The following FAM9A variants were observed in gnomAD, a reference collection of about 807,000 sequenced individuals.
FAM9A encodes the protein protein FAM9A.
FAM9A carries 49 observed loss-of-function variants against 25.0 expected under a neutral mutation model. That is an observed-to-expected ratio of 1.96 (90% CI 1.56 to 2.48). The LOEUF (loss-of-function observed/expected upper bound fraction) is 2.48, where lower values mean the gene tolerates loss of function less well. Among genes scored for constraint, FAM9A ranks in the 30% most tolerant of loss-of-function variants. FAM9A has a pLI of 0.00. For synonymous variants in FAM9A, 80 were observed against 85.1 expected, an observed-to-expected ratio of 0.94 and a Z score of 0.33; for missense variants, 266 against 249.3, an observed-to-expected ratio of 1.07 and a Z score of -0.45.
Position 8,795,304 on chromosome X carries a change from TCTG to T in FAM9A, c.602_604del (p.Ala201del), listed in dbSNP as rs757186837. On this transcript the variant is annotated inframe_deletion, in exon 7 of 10. Transcript: ENST00000381003. ...TGCGGCTTCTGCTGCTGCTGCGGCT[TCTG>T]CTGCTGCTGCTGCGGCTTCTGCTTC... The T allele has an allele frequency of 1.8e-5, 22 of 1,197,534 alleles. No homozygotes were observed. The highest frequency in any genetic ancestry group is 4.5e-5 in the Admixed American group (2 of 44,911).
chrX:8,796,478 T>C, intron 5 of FAM9A, 96 bp from the exon 6 acceptor site: 5 of 534,740 alleles, frequency 9.4e-6, no homozygotes, highest in Non-Finnish European at 1.6e-5. Flanking sequence ...TTCAGCAATA[T>C]CGGAAGGACA....
At chrX:8,798,899 G>A in intron 3 of FAM9A, 67 bp downstream of exon 3, 2 of 1,199,620 alleles carry the variant, frequency 1.7e-6, no homozygotes, top group Non-Finnish European at 2.3e-6. Flanking sequence ...TGCCTCCCGC[G>A]CAAAGAGCAG....
chrX:8,793,422 A>T (rs756338198), intron 8 of FAM9A, among the ~76,000 whole-genome samples: 1 of 112,215 alleles, frequency 8.9e-6, no homozygotes, highest in African/African-American at 3.2e-5. Flanking sequence ...ATTTCCAGGT[A>T]AAATTTCCAA....
chrX:8,792,443 T>A (rs1314719651), intron 8 of FAM9A, among the ~76,000 whole-genome samples: 4 of 110,838 alleles, frequency 3.6e-5, no homozygotes, highest in Non-Finnish European at 5.7e-5. Flanking sequence ...GTGGGAATTT[T>A]AAAAAAAGAA....
chrX:8,796,463 G>T, intron 5 of FAM9A, 81 bp from the exon 6 acceptor site: 1 of 598,293 alleles, frequency 1.7e-6, no homozygotes, highest in Non-Finnish European at 2.7e-6. Context: ...CGTGAGATAT[G>T]ATGGTTCAGC....
chrX:8,791,471 T>A, intron 8 of FAM9A, 92 bp from the exon 9 acceptor site: 1 of 648,067 alleles, frequency 1.5e-6, no homozygotes, highest in South Asian at 4.3e-5. Flanking sequence ...AAACAGCTTT[T>A]AATATTCAAA....
intron 6 of FAM9A, 107 bp from the exon 7 acceptor site, chrX:8,795,527 G>A (rs1933524153): frequency 4.5e-6 from 3 of 661,916 alleles, no homozygotes; most frequent in Non-Finnish European, 4.4e-6. Flanking sequence ...AAGTAGCAAG[G>A]GAGTAATAGC....
chrX:8,800,158 C>A lies in FAM9A; in HGVS notation c.14G>T (p.Gly5Val), dbSNP rs748766784. 8.3e-7 allele frequency: 1 copy of A among 1,206,367 alleles called. No homozygotes were observed. Among genetic ancestry groups the A allele is most frequent in the Admixed American group, 2.2e-5 (1 of 45,603 alleles). ...GGCAGCCTTCCTGCTGCGCTTCCTGCCCACGGGCTCCATGGTTGGCTGTCC... is the reference window on the plus strand; with the variant it reads ...GGCAGCCTTCCTGCTGCGCTTCCTGACCACGGGCTCCATGGTTGGCTGTCC... Reference protein sequence around the residue: MEPVGRKRSRKAAKA... With the variant: MEPVVRKRSRKAAKA... The change falls in exon 2 of 10, where the codon GGC becomes GTC. Residue 5 changes from glycine to valine, a missense_variant. Coordinates refer to ENST00000381003, the MANE Select transcript of FAM9A (RefSeq NM_174951.3).
rs1006915138 is a variant in FAM9A at position 8,791,179 on chromosome X, CA to C, written c.*32-8del. 8.7e-4 allele frequency: 488 copies of C among 563,717 alleles called. No individual in the cohort carries two copies. Among genetic ancestry groups the C allele is most frequent in the South Asian group, 9.3e-4 (20 of 21,545 alleles). 46.5% of individuals were successfully genotyped at this position (563,717 alleles called of 1,213,427 possible). ...GTGCCAACTCTTCCAAAAGCTGTTT[CA>C]AAAAAAAATTTAAGTAACTGTGATA... is the stretch of plus-strand genomic sequence containing the variant. On this transcript the variant is annotated splice_region_variant and splice_polypyrimidine_tract_variant and intron_variant, in intron 9 of 9. Coordinates refer to ENST00000381003, the MANE Select transcript of FAM9A (RefSeq NM_174951.3).
chrX:8,791,420 A>T (rs1170980080), intron 8 of FAM9A, 41 bp from the exon 9 acceptor site: 1 of 1,038,224 alleles, frequency 9.6e-7, no homozygotes, highest in Admixed American at 2.6e-5. Flanking sequence ...CCACCACTTT[A>T]CATCTCACGT....
In FAM9A at chrX:8,796,935, T is replaced by C. The variant is rs140637065; in HGVS notation, c.374-553A>G. Among the ~76,000 whole-genome samples, 762 of 112,313 alleles carry C rather than the reference T, an allele frequency of 6.8e-3. 2 individuals are homozygous for C. The highest frequency in any genetic ancestry group is 0.01 in the African/African-American group (318 of 30,976). ...ATTTAGGCTTAAGTAAAGAAATACATTCAAAAACACTTTTGAAATATTTTC... is the reference window on the plus strand; with the variant it reads ...ATTTAGGCTTAAGTAAAGAAATACACTCAAAAACACTTTTGAAATATTTTC... On this transcript the variant is annotated intron_variant, in intron 5 of 9. Transcript: ENST00000381003.
In FAM9A at chrX:8,796,334, T is replaced by C. The variant is rs1309504625; in HGVS notation, c.422A>G (p.Asp141Gly). Residue 141 changes from aspartate (D) to glycine (G), a missense_variant, in exon 6 of 10, where the codon GAT becomes GGT. Asp to Gly is a moderately conservative substitution (Grantham distance 94). Transcript: ENST00000381003. ...CTTGGTTTTCCTGTAAGCTGCTTTA[T>C]CTATTTTTATCATTTCTCTTTTTGC... ...LAAKREMIKI[D>G]KAAYRKTKNT... 5 of 1,202,884 alleles carry C rather than the reference T, an allele frequency of 4.2e-6. No individual in the cohort carries two copies. Among genetic ancestry groups the C allele is most frequent in the Non-Finnish European group, 4.5e-6 (4 of 891,429 alleles).
At chrX:8,798,920 C>A in intron 3 of FAM9A, 46 bp downstream of exon 3, 1 of 1,210,161 alleles carries the variant, frequency 8.3e-7, no homozygotes, top group Non-Finnish European at 1.1e-6. Flanking sequence ...ACAGACCGTC[C>A]TCTTGGGCGT....
At chrX:8,798,931 G>T in intron 3 of FAM9A, 35 bp downstream of exon 3, 2 of 1,211,456 alleles carry the variant, frequency 1.7e-6, no homozygotes, top group African/African-American at 1.7e-5. Flanking sequence ...TCTTGGGCGT[G>T]CACCTTCTTT....
At chrX:8,799,327 C>G (rs932936514) in intron 2 of FAM9A, among the ~76,000 whole-genome samples, 4 of 110,678 alleles carry the variant, frequency 3.6e-5, no homozygotes, top group Non-Finnish European at 5.7e-5. Flanking sequence ...TGAATGGCCC[C>G]TGCAGGATCC....
chrX:8,795,297 T>G lies in FAM9A; in HGVS notation c.612A>C (p.Ala204=), dbSNP rs1933519016. 6 of 1,201,527 alleles carry G rather than the reference T, an allele frequency of 5.0e-6. No homozygotes were observed. Among genetic ancestry groups the G allele is most frequent in the Non-Finnish European group, 6.7e-6 (6 of 891,520 alleles). The change falls in exon 7 of 10, where the codon GCA becomes GCC. Residue 204 remains alanine (A), a synonymous_variant. Coordinates refer to ENST00000381003, the MANE Select transcript of FAM9A (RefSeq NM_174951.3). ...AEAAAAAAEA[A]AAAEAAAAAA... is the part of the protein sequence containing the mutation. ...CTGCTGCTGCGGCTTCTGCTGCTGC[T>G]GCGGCTTCTGCTGCTGCTGCTGCGG...
chrX:8,795,123 TTCTG>T lies in FAM9A; in HGVS notation c.782_785del (p.Thr261LysfsTer37), dbSNP rs1933511874. The T allele has an allele frequency of 4.4e-6, 5 of 1,135,738 alleles. No homozygotes were observed. The South Asian group carries it at 8.1e-5, about 18-fold the overall frequency. 93.6% of individuals were successfully genotyped at this position (1,135,738 alleles called of 1,213,427 possible). ...CTTCTTCTTCTTCCTCTTCCTCTTC[TTCTG>T]TTTCTTCTCCTTCTCCTCCTCCTCC... On this transcript the variant is annotated frameshift_variant, in exon 7 of 10. Coordinates refer to ENST00000381003, the MANE Select transcript of FAM9A (RefSeq NM_174951.3). LOFTEE classifies it high-confidence loss of function.
chrX:8,797,078 A>G (rs1933542518), intron 5 of FAM9A, among the ~76,000 whole-genome samples: 1 of 112,300 alleles, frequency 8.9e-6, no homozygotes, highest in South Asian at 3.7e-4. Context: ...CAATTGCTAA[A>G]AATAGTTTTC....
At chrX:8,794,797 G>A (rs187355179) in intron 7 of FAM9A, among the ~76,000 whole-genome samples, 7 of 111,944 alleles carry the variant, frequency 6.3e-5, no homozygotes, top group Admixed American at 9.4e-5. Context: ...TTCTATCAAC[G>A]TGCGCAGCTA....
Sources: gnomAD v4.1 joint callset for allele counts (sites outside exome capture counted in the v4.1 genomes callset) on GRCh38, gnomAD v4.1.1 for gene constraint, MANE v1.5 for transcripts, NCBI Gene and HGNC (gene_info 2026-07-23, HGNC 2026-07-21) for gene names.